The following PTPN21 variants were observed in gnomAD, a reference collection of about 807,000 sequenced individuals.
PTPN21 encodes the protein tyrosine-protein phosphatase non-receptor type 21.
Under a neutral mutation model 131.8 loss-of-function variants are expected in PTPN21, and 77 were observed. The ratio of observed to expected loss-of-function variants is 0.58; its 90% confidence interval spans 0.49 to 0.71. The LOEUF is 0.71. PTPN21 is among the 30% of genes least tolerant of loss of function. PTPN21 has a pLI of 0.00. For synonymous variants in PTPN21, 715 were observed against 621.3 expected, an observed-to-expected ratio of 1.15 and a Z score of -2.24; for missense variants, 1,552 against 1,527.1, an observed-to-expected ratio of 1.02 and a Z score of -0.27.
intron 2 of PTPN21, among the ~76,000 whole-genome samples, chr14:88,533,632 C>T (rs12436326): frequency 0.24 from 36,107 of 152,058 alleles, 4,447 homozygotes; most frequent in East Asian, 0.33. Context: ...TCTGTAATCC[C>T]AGTGCTTTGG....
intron 4 of PTPN21, 60 bp from the exon 5 acceptor site, chr14:88,505,431 C>A (rs775283480): frequency 8.4e-7 from 1 of 1,193,324 alleles, no homozygotes; most frequent in East Asian, 2.4e-5. Flanking sequence ...AAAATATGCA[C>A]AACAAAATTC....
intron 1 of PTPN21, 79 bp downstream of exon 1, chr14:88,554,572 G>A (rs1026724826): frequency 6.6e-6 from 1 of 151,020 alleles, no homozygotes; most frequent in African/African-American, 2.4e-5. Flanking sequence ...GGCGCGCTCC[G>A]GGGTCCGGGC....
Position 88,479,947 on chromosome 14 carries a change from T to C in PTPN21, c.1484A>G (p.Glu495Gly). 1 of 1,607,278 alleles carries C rather than the reference T, an allele frequency of 6.2e-7. No individual in the cohort carries two copies. Among genetic ancestry groups the C allele is most frequent in the African/African-American group, 1.3e-5 (1 of 75,002 alleles). The change falls in exon 13 of 19, where the codon GAG becomes GGG. Residue 495 changes from glutamate (E) to glycine (G), a missense_variant. This residue lies in a region of PTPN21 where 1,016 missense variants were observed against 883.5 expected (regional missense o/e 1.15). Transcript: ENST00000556564. ...RPAALVYSQP[E>G]IREHAQLPSP... The stretch of plus-strand genomic sequence containing the variant: ...GGGGAGCTGTGCGTGCTCGCGGATC[T>C]CGGGCTGGCTGTAGACCAGCGCCGC...
At chr14:88,488,345 G>A (rs975233725) in intron 10 of PTPN21, among the ~76,000 whole-genome samples, 5 of 152,152 alleles carry the variant, frequency 3.3e-5, no homozygotes, top group Non-Finnish European at 4.4e-5. Context: ...GTGTGGAGGC[G>A]AACACTGCCC....
chr14:88,487,791 T>C (rs114386385), intron 10 of PTPN21, among the ~76,000 whole-genome samples: 2,154 of 151,986 alleles, frequency 0.014, 50 homozygotes, highest in African/African-American at 0.05. Flanking sequence ...CACATTAATA[T>C]ATTCCTTAAA....
At chr14:88,533,549 T>C (rs1024332670) in intron 2 of PTPN21, among the ~76,000 whole-genome samples, 2 of 152,242 alleles carry the variant, frequency 1.3e-5, no homozygotes, top group African/African-American at 2.4e-5. Flanking sequence ...TTTATGCATT[T>C]ATTATACTTT....
At chr14:88,516,434 G>T (rs2078270593) in intron 3 of PTPN21, among the ~76,000 whole-genome samples, 1 of 152,124 alleles carries the variant, frequency 6.6e-6, no homozygotes, top group South Asian at 2.1e-4. Context: ...GGGTTAAAAA[G>T]GTCAGGTAGT....
chr14:88,479,843 G>A lies in PTPN21; in HGVS notation c.1588C>T (p.Arg530Trp), dbSNP rs1330630467. Residue 530 changes from arginine (R) to tryptophan (W), a missense_variant, in exon 13 of 19, where the codon CGG becomes TGG. Around this residue, in one of 4 missense-constraint regions of PTPN21, gnomAD observed 1,016 missense variants for 883.5 expected, o/e 1.15. Coordinates refer to ENST00000556564, the MANE Select transcript of PTPN21 (RefSeq NM_007039.4). ...CTGACCGCGCCCACCACGGGCCGCC[G>A]CTCGGCAGGGTAGGGGTAGGGAGAC... ...SPSPYPYPAE[R>W]RPVVGAVSVP... is the part of the protein sequence containing the mutation. 6.4e-7 allele frequency: 1 copy of A among 1,555,878 alleles called. No homozygotes were observed. Among genetic ancestry groups the A allele is most frequent in the African/African-American group, 1.3e-5 (1 of 74,314 alleles).
At position 88,478,908 on chromosome 14, in the gene PTPN21, C is replaced by T. The variant is rs376455086; in HGVS notation, c.2511+12G>A. ...GGTCCCCTGGCCCGGCACTGCTCGC[C>T]GCGTGGCTTACCCCTAGAGGCGGGA... On this transcript the variant is annotated intron_variant, in intron 13 of 18. Transcript: ENST00000556564. 4 of 1,465,232 alleles carry T rather than the reference C, an allele frequency of 2.7e-6. No individual in the cohort carries two copies. Among genetic ancestry groups the T allele is most frequent in the Admixed American group, 5.0e-5 (2 of 40,352 alleles). 90.8% of individuals were successfully genotyped at this position (1,465,232 alleles called of 1,614,324 possible). A position where few individuals can be genotyped will look rare whatever the true frequency, so the allele number is the denominator to read the frequency against.
intron 3 of PTPN21, chr14:88,515,224 A>G (rs1246864969): frequency 6.6e-6 from 1 of 152,174 alleles, no homozygotes; most frequent in African/African-American, 2.4e-5. Context: ...AGCTATACTT[A>G]ATCCTTACCG....
In PTPN21 at chr14:88,554,993, G is replaced by C. The variant is rs1212588244; in HGVS notation, c.-545C>G. Among the ~76,000 whole-genome samples, 4 of 144,990 alleles carry C rather than the reference G, an allele frequency of 2.8e-5. No individual in the cohort carries two copies. Among genetic ancestry groups the C allele is most frequent in the African/African-American group, 7.6e-5 (3 of 39,722 alleles). ...GACGCGCGGCCGGAGCAGCGGGGCG[G>C]CCGGGCCCAGGCGTCCCTCCCCCTG... On this transcript the variant is annotated 5_prime_UTR_variant, in exon 1 of 19. Transcript: ENST00000556564.
At chr14:88,493,200 T>G (rs2077851226) in intron 10 of PTPN21, 2 of 393,056 alleles carry the variant, frequency 5.1e-6, no homozygotes, top group Non-Finnish European at 1.0e-5. Context: ...GTATAATGCT[T>G]GACACAGAGC....
intron 9 of PTPN21, 122 bp downstream of exon 9, chr14:88,497,081 T>C (rs2077929779): frequency 1.1e-6 from 1 of 885,720 alleles, no homozygotes; most frequent in East Asian, 2.7e-5. Flanking sequence ...GCATGTTTTA[T>C]ACAATTACAA....
intron 12 of PTPN21, among the ~76,000 whole-genome samples, chr14:88,482,613 C>CAAAAGAAAAG (rs147441767): frequency 1.1e-4 from 16 of 150,872 alleles, no homozygotes; most frequent in African/African-American, 3.7e-4. Flanking sequence ...AACTCCATCT[C>CAAAAGAAAAG]AAAAGAAAAG....
intron 3 of PTPN21, among the ~76,000 whole-genome samples, chr14:88,511,625 C>T (rs1467604696): frequency 1.3e-5 from 2 of 151,978 alleles, no homozygotes; most frequent in Non-Finnish European, 2.9e-5. Context: ...GCCAAGATAG[C>T]GCCACTGCAC....
chr14:88,506,175 T>TA (rs935099064), intron 4 of PTPN21, among the ~76,000 whole-genome samples: 3 of 151,798 alleles, frequency 2.0e-5, no homozygotes, highest in Non-Finnish European at 4.4e-5. Flanking sequence ...CCTATCTCTA[T>TA]AAAAAATTTT....
chr14:88,527,237 T>G (rs1208912687), intron 2 of PTPN21, among the ~76,000 whole-genome samples: 1 of 152,214 alleles, frequency 6.6e-6, no homozygotes, highest in Non-Finnish European at 1.5e-5. Flanking sequence ...TCCACATTGT[T>G]TTCCATAGTG....
intron 8 of PTPN21, among the ~76,000 whole-genome samples, chr14:88,499,646 A>G (rs1171673774): frequency 1.3e-5 from 2 of 152,148 alleles, no homozygotes; most frequent in Non-Finnish European, 2.9e-5. Flanking sequence ...GATTACACTA[A>G]AAAAAATTCA....
At chr14:88,529,220 ATCTATTGAGATGATCATATTG>A (rs1212044776) in intron 2 of PTPN21, among the ~76,000 whole-genome samples, 1 of 152,184 alleles carries the variant, frequency 6.6e-6, no homozygotes, top group African/African-American at 2.4e-5. Flanking sequence ...CCTTTTCTGC[ATCTATTGAGATGATCATATTG>A]TTTTTAATGC....
Sources: allele counts gnomAD v4.1 joint callset (sites outside exome capture counted in the v4.1 genomes callset), GRCh38; gene constraint gnomAD v4.1.1; regional missense constraint gnomAD v4.1.1; transcripts MANE v1.5; gene names NCBI Gene and HGNC (gene_info 2026-07-23, HGNC 2026-07-21).